Variants in COG5 observed in about 807,000 individuals in gnomAD.
The protein encoded by COG5 is conserved oligomeric Golgi complex subunit 5.
COG5 carries 86 observed loss-of-function variants against 110.4 expected under a neutral mutation model. The ratio of observed to expected loss-of-function variants is 0.78; its 90% CI spans 0.65 to 0.93. The LOEUF is 0.93. COG5 is among the 40% of genes least tolerant of loss of function. The pLI is 0.00. For synonymous variants in COG5, 360 were observed against 334.6 expected (o/e 1.08, Z -0.83); for missense variants, 1,077 against 987.0 (o/e 1.09, Z -1.22).
chr7:107,367,692 C>T (rs1390667502), intron 8 of COG5, among the ~76,000 whole-genome samples: 1 of 151,968 alleles, frequency 6.6e-6, no homozygotes, highest in African/African-American at 2.4e-5. Flanking sequence ...GGAGCAGAAA[C>T]TTGAATACCA....
intron 11 of COG5, among the ~76,000 whole-genome samples, chr7:107,308,824 T>C (rs1807956229): frequency 6.6e-6 from 1 of 152,170 alleles, no homozygotes; most frequent in Admixed American, 6.5e-5. Flanking sequence ...TTATCTTTAT[T>C]GTATACTAAA....
At chr7:107,348,918 G>C (rs1029441469) in intron 10 of COG5, among the ~76,000 whole-genome samples, 7 of 151,318 alleles carry the variant, frequency 4.6e-5, no homozygotes, top group African/African-American at 1.7e-4. Flanking sequence ...CTGGAGTGCT[G>C]TGATGCCATT....
At chr7:107,392,428 A>C (rs141339176) in intron 7 of COG5, among the ~76,000 whole-genome samples, 242 of 152,298 alleles carry the variant, frequency 1.6e-3, no homozygotes, top group African/African-American at 5.5e-3. Context: ...AAGTTAAGAG[A>C]CAAGGAATAG....
At chr7:107,550,783 G>A (rs1032069356) in intron 3 of COG5, among the ~76,000 whole-genome samples, 18 of 151,810 alleles carry the variant, frequency 1.2e-4, no homozygotes, top group Admixed American at 5.9e-4. Flanking sequence ...TCGGCTCACC[G>A]CAACCTCTGC....
At chr7:107,251,239 G>C (rs1032159887) in intron 16 of COG5, among the ~76,000 whole-genome samples, 3 of 151,232 alleles carry the variant, frequency 2.0e-5, no homozygotes, top group Non-Finnish European at 2.9e-5. Context: ...CATATTTTAA[G>C]TGCTAAGAGA....
At chr7:107,286,589 A>G (rs565714941) in intron 12 of COG5, among the ~76,000 whole-genome samples, 5 of 152,368 alleles carry the variant, frequency 3.3e-5, no homozygotes, top group Admixed American at 1.3e-4. Context: ...AGAGACCTGA[A>G]GGTCAAAGTA....
At chr7:107,511,550 C>A (rs905342041) in intron 6 of COG5, among the ~76,000 whole-genome samples, 3 of 152,206 alleles carry the variant, frequency 2.0e-5, no homozygotes, top group Non-Finnish European at 4.4e-5. Context: ...CTTTATGAGG[C>A]CAGCATCATC....
intron 5 of COG5, among the ~76,000 whole-genome samples, chr7:107,546,813 AC>A (rs1440429338): frequency 2.0e-5 from 3 of 152,162 alleles, no homozygotes; most frequent in Non-Finnish European, 4.4e-5. Flanking sequence ...TATACAACTT[AC>A]AAAAATTGAA....
intron 18 of COG5, among the ~76,000 whole-genome samples, chr7:107,231,471 C>T (rs1562924505): frequency 6.6e-6 from 1 of 152,126 alleles, no homozygotes; most frequent in Non-Finnish European, 1.5e-5. Context: ...GTTACCTGTT[C>T]TTTTCTACCA....
At chr7:107,282,510 T>C (rs1805255643) in intron 13 of COG5, among the ~76,000 whole-genome samples, 1 of 152,162 alleles carries the variant, frequency 6.6e-6, no homozygotes, top group African/African-American at 2.4e-5. Flanking sequence ...TGTATATTAT[T>C]ATACATGTGG....
intron 19 of COG5, among the ~76,000 whole-genome samples, chr7:107,218,238 G>C (rs1799663343): frequency 6.6e-6 from 1 of 151,990 alleles, no homozygotes; most frequent in South Asian, 2.1e-4. Context: ...TGTGTTCACG[G>C]ACTTGAAGAA....
chr7:107,374,951 A>G (rs1190971858), intron 7 of COG5, among the ~76,000 whole-genome samples: 1 of 152,038 alleles, frequency 6.6e-6, no homozygotes, highest in Non-Finnish European at 1.5e-5. Flanking sequence ...ATTATCACAA[A>G]GTGAACACAC....
chr7:107,474,642 A>G lies in COG5; in HGVS notation c.538+52595T>C, dbSNP rs369554589. The G allele has an allele frequency of 3.7e-6, 6 of 1,610,340 alleles. No individual in the cohort carries two copies. The highest frequency in any genetic ancestry group is 4.2e-6 in the Non-Finnish European group (5 of 1,177,302). On this transcript the variant is annotated intron_variant, in intron 6 of 21. Transcript: ENST00000297135. This position sits in a 1 kb window ranked among gnomAD's most constrained non-coding sequence, Gnocchi z 5.7. Reference sequence around the variant, plus strand: ...GTGGAAATACCTGGGAAAACAAGACACTTTTATGTGTCAGTACAAATGAAT... The same window carrying G: ...GTGGAAATACCTGGGAAAACAAGACGCTTTTATGTGTCAGTACAAATGAAT...
intron 6 of COG5, among the ~76,000 whole-genome samples, chr7:107,436,865 TTAA>T (rs1244362367): frequency 6.6e-6 from 1 of 152,170 alleles, no homozygotes; most frequent in African/African-American, 2.4e-5. Context: ...AGTGTAGTAT[TTAA>T]TAATAATTGC....
intron 8 of COG5, among the ~76,000 whole-genome samples, chr7:107,366,996 C>T (rs1038387174): frequency 6.6e-5 from 10 of 151,954 alleles, no homozygotes; most frequent in Non-Finnish European, 1.5e-4. Context: ...TTAAAAAATC[C>T]ATTTGGTCAT....
At position 107,331,160 on chromosome 7, in the gene COG5, C is replaced by CAGATAAGTTTTAATAAG. The variant is rs1434035409; in HGVS notation, c.1027-6640_1027-6639insCTTATTAAAACTTATCT. On this transcript the variant is annotated intron_variant, in intron 10 of 21. Transcript: ENST00000297135. ...CTTGAGAGTTTTAATAAGATAATAC[C>CAGATAAGTTTTAATAAG]ATGATCAAGCTGTGCTATAAGAAAA... Among the ~76,000 whole-genome samples the CAGATAAGTTTTAATAAG allele has an allele frequency of 8.5e-5, 13 of 152,126 alleles. No homozygotes were observed. The South Asian group carries it at 2.5e-3, about 29-fold the overall frequency.
chr7:107,376,206 C>A (rs1814623394), intron 7 of COG5, among the ~76,000 whole-genome samples: 1 of 151,996 alleles, frequency 6.6e-6, no homozygotes, highest in African/African-American at 2.4e-5. Context: ...GCTTTAAATA[C>A]CAGATTTGGC....
chr7:107,211,342 C>CAAT, intron 19 of COG5, 117 bp from the exon 20 acceptor site: 4 of 1,161,812 alleles, frequency 3.4e-6, no homozygotes, highest in Non-Finnish European at 5.0e-6. Flanking sequence ...CTGAAGGAGC[C>CAAT]CTCCACTGCT....
chr7:107,330,763 A>G (rs1810165130), intron 10 of COG5, among the ~76,000 whole-genome samples: 2 of 152,036 alleles, frequency 1.3e-5, no homozygotes, highest in South Asian at 4.1e-4. Flanking sequence ...AAATAGTAGA[A>G]ATAATATTTT....
Sources: gnomAD v4.1 joint callset for allele counts (sites outside exome capture counted in the v4.1 genomes callset) on GRCh38, gnomAD v4.1.1 for gene constraint, Gnocchi (gnomAD v3.1) non-coding constraint, MANE v1.5 for transcripts, NCBI Gene and HGNC (gene_info 2026-07-23, HGNC 2026-07-21) for gene names.